The following SLC9A7 variants were observed in gnomAD, a reference collection of about 807,000 sequenced individuals.
SLC9A7 encodes solute carrier family 9 member A7, also known as sodium/hydrogen exchanger 7.
SLC9A7 carries 19 observed loss-of-function variants against 52.6 expected under a neutral mutation model. The observed-to-expected ratio is 0.36, with a 90% CI of 0.25 to 0.53. The LOEUF is 0.53. Among genes scored for constraint, SLC9A7 ranks in the 20% least tolerant of loss-of-function variants. The probability of loss-of-function intolerance (pLI) is 0.91; values close to 1 mark genes in which losing one functional copy is unlikely to be tolerated. For missense variants in SLC9A7, 455 were observed against 597.9 expected, an observed-to-expected ratio of 0.76 and a Z score of 2.49; for synonymous variants, 226 against 252.1, an observed-to-expected ratio of 0.90 and a Z score of 0.98.
chrX:46,696,929 G>A (rs746735321), intron 1 of SLC9A7, among the ~76,000 whole-genome samples: 72 of 112,075 alleles, frequency 6.4e-4, no homozygotes, highest in African/African-American at 2.2e-3. Flanking sequence ...AAGGACCTGA[G>A]ATTCAATCCC....
At chrX:46,665,173 C>G (rs1025234809) in intron 5 of SLC9A7, among the ~76,000 whole-genome samples, 2 of 110,676 alleles carry the variant, frequency 1.8e-5, no homozygotes, top group African/African-American at 6.6e-5. Flanking sequence ...CAGCAGGACC[C>G]TTGAAATCAG....
intron 1 of SLC9A7, among the ~76,000 whole-genome samples, chrX:46,698,639 C>T (rs936672154): frequency 3.2e-4 from 36 of 112,179 alleles, no homozygotes; most frequent in African/African-American, 1.1e-3. Flanking sequence ...TGTGAAATGA[C>T]TTACACTTTG....
chrX:46,659,679 C>A (rs1943776955), intron 7 of SLC9A7, among the ~76,000 whole-genome samples: 1 of 59,353 alleles, frequency 1.7e-5, no homozygotes, highest in African/African-American at 7.5e-5. Flanking sequence ...ACGTGAAGGA[C>A]CTCTTCAAGG....
At chrX:46,621,134 T>A (rs1460931116) in intron 14 of SLC9A7, 75 bp from the exon 15 acceptor site, 2 of 623,793 alleles carry the variant, frequency 3.2e-6, no homozygotes, top group South Asian at 2.7e-5. Flanking sequence ...AAACCTTTTT[T>A]AATAACTTGT....
At chrX:46,682,188 T>C in intron 2 of SLC9A7, 148 bp downstream of exon 2, 1 of 551,946 alleles carries the variant, frequency 1.8e-6, no homozygotes, top group South Asian at 3.1e-5. Flanking sequence ...CTCCTCATCA[T>C]GGACCAAAAA....
At chrX:46,636,422 C>T (rs2146739546) in intron 12 of SLC9A7, among the ~76,000 whole-genome samples, 1 of 110,721 alleles carries the variant, frequency 9.0e-6, no homozygotes, top group Non-Finnish European at 1.9e-5. Flanking sequence ...CTCCGGCTTT[C>T]ACCCACAAGA....
intron 1 of SLC9A7, among the ~76,000 whole-genome samples, chrX:46,707,802 C>T (rs954243112): frequency 3.6e-5 from 4 of 111,481 alleles, no homozygotes; most frequent in African/African-American, 9.8e-5. Context: ...TGCAGTGGCA[C>T]GATCTCAGCT....
intron 1 of SLC9A7, among the ~76,000 whole-genome samples, chrX:46,708,524 C>G (rs1166638741): frequency 9.3e-6 from 1 of 107,158 alleles, no homozygotes; most frequent in Non-Finnish European, 1.9e-5. Flanking sequence ...AGTGAGACTC[C>G]GTCTCAAAAA....
At chrX:46,628,280 C>T (rs1943167833) in intron 14 of SLC9A7, among the ~76,000 whole-genome samples, 1 of 112,874 alleles carries the variant, frequency 8.9e-6, no homozygotes, top group South Asian at 3.7e-4. Context: ...CCTGCTTTAT[C>T]GGGGTGGGAG....
At chrX:46,676,227 G>C (rs1444464690) in intron 3 of SLC9A7, among the ~76,000 whole-genome samples, 1 of 111,087 alleles carries the variant, frequency 9.0e-6, no homozygotes, top group East Asian at 2.8e-4. Flanking sequence ...GGGCAGTATT[G>C]CGGGACTGAG....
At chrX:46,622,709 A>G (rs1470494816) in intron 14 of SLC9A7, among the ~76,000 whole-genome samples, 1 of 112,118 alleles carries the variant, frequency 8.9e-6, no homozygotes, top group Non-Finnish European at 1.9e-5. Context: ...ATCTCAAGAA[A>G]GCTACAAGAA....
At chrX:46,742,640 C>G (rs1451629910) in intron 1 of SLC9A7, among the ~76,000 whole-genome samples, 1 of 112,295 alleles carries the variant, frequency 8.9e-6, no homozygotes, top group East Asian at 2.8e-4. Flanking sequence ...TGGAACAAGT[C>G]TTCATCTTGG....
intron 1 of SLC9A7, among the ~76,000 whole-genome samples, chrX:46,741,878 T>C (rs758071054): frequency 9.2e-6 from 1 of 108,980 alleles, no homozygotes; most frequent in Non-Finnish European, 1.9e-5. Flanking sequence ...GGAGAGAATA[T>C]TTGCAAATTA....
chrX:46,657,055 G>A (rs1411574259), intron 7 of SLC9A7, among the ~76,000 whole-genome samples: 30 of 94,838 alleles, frequency 3.2e-4, no homozygotes, highest in East Asian at 6.6e-4. Context: ...AGAAGAGAGT[G>A]GGGGCCAATA....
chrX:46,737,667 T>C (rs1056905060), intron 1 of SLC9A7, among the ~76,000 whole-genome samples: 2 of 111,668 alleles, frequency 1.8e-5, no homozygotes, highest in Non-Finnish European at 3.8e-5. Flanking sequence ...TACTGAAAGA[T>C]TGCATCAAGC....
At chrX:46,715,863 G>A (rs1425985220) in intron 1 of SLC9A7, among the ~76,000 whole-genome samples, 1 of 111,483 alleles carries the variant, frequency 9.0e-6, no homozygotes, top group Non-Finnish European at 1.9e-5. Flanking sequence ...GCACATTTTC[G>A]GTCAGCTGGG....
At chrX:46,754,506 T>C (rs60519031) in intron 1 of SLC9A7, among the ~76,000 whole-genome samples, 6 of 111,377 alleles carry the variant, frequency 5.4e-5, no homozygotes, top group Admixed American at 3.8e-4. Context: ...TCCAAAATGT[T>C]TGCTTACAGG....
chrX:46,712,080 T>C (rs12687614), intron 1 of SLC9A7, among the ~76,000 whole-genome samples: 42,510 of 110,431 alleles, frequency 0.38, 7,535 homozygotes, highest in Non-Finnish European at 0.55. Flanking sequence ...GGAAAGCAGA[T>C]ACTGGGGGAC....
chrX:46,642,019 G>GAGATAC (rs1186585814), intron 12 of SLC9A7, among the ~76,000 whole-genome samples: 1 of 112,652 alleles, frequency 8.9e-6, no homozygotes. Context: ...ATCTCAGGCA[G>GAGATAC]AGATACACTA....
Sources: gnomAD v4.1 joint callset for allele counts (sites outside exome capture counted in the v4.1 genomes callset) on GRCh38, gnomAD v4.1.1 for gene constraint, MANE v1.5 for transcripts, NCBI Gene and HGNC (gene_info 2026-07-23, HGNC 2026-07-21) for gene names.